PTPRG: variants seen among roughly 807,000 people sequenced by gnomAD.
The protein encoded by PTPRG is protein tyrosine phosphatase receptor type G.
Under a neutral mutation model 165.3 loss-of-function variants are expected in PTPRG, and 102 were observed. The observed-to-expected ratio is 0.62, with a 90% CI of 0.53 to 0.73. The LOEUF (loss-of-function observed/expected upper bound fraction) is 0.73. Among genes scored for constraint, PTPRG ranks in the 30% least tolerant of loss-of-function variants. The pLI is 0.00. For missense variants in PTPRG, 1,866 were observed against 1,861.4 expected, an observed-to-expected ratio of 1.00 and a Z score of -0.05; for synonymous variants, 675 against 669.5, an observed-to-expected ratio of 1.01 and a Z score of -0.13.
intron 4 of PTPRG, among the ~76,000 whole-genome samples, chr3:62,023,921 G>A (rs1298650015): frequency 6.6e-6 from 1 of 151,994 alleles, no homozygotes; most frequent in Non-Finnish European, 1.5e-5. Context: ...ATTATTGCTG[G>A]GGAATACTTG....
intron 1 of PTPRG, among the ~76,000 whole-genome samples, chr3:61,562,859 C>G (rs1258416992): frequency 6.6e-6 from 1 of 151,980 alleles, no homozygotes; most frequent in African/African-American, 2.4e-5. Context: ...TTTGGGAGGG[C>G]TAGGTTTCGG....
At chr3:61,612,304 A>G (rs769988899) in intron 1 of PTPRG, among the ~76,000 whole-genome samples, 53 of 152,318 alleles carry the variant, frequency 3.5e-4, no homozygotes, top group Non-Finnish European at 5.9e-4. Context: ...GCTCTCATTT[A>G]AAGAGGTTCT....
rs555938194 is a variant in PTPRG at position 61,647,578 on chromosome 3, C to T, written c.85+85206C>T. On this transcript the variant is annotated intron_variant, in intron 1 of 29. Coordinates refer to ENST00000474889, the MANE Select transcript of PTPRG (RefSeq NM_002841.4). ...GGCCGAGGCGGGCGGATCACGAAGT[C>T]AGGAGATCGAGACCATCCTGGCTAA... is the stretch of plus-strand genomic sequence containing the variant. 4.2e-3 allele frequency among the ~76,000 whole-genome samples: 642 copies of T among 152,140 alleles called. 3 individuals carry two copies. The highest frequency in any genetic ancestry group is 7.4e-3 in the Non-Finnish European group (505 of 67,980).
chr3:61,624,249 C>G (rs1235482023), intron 1 of PTPRG, among the ~76,000 whole-genome samples: 1 of 152,086 alleles, frequency 6.6e-6, no homozygotes, highest in Admixed American at 6.6e-5. Context: ...CTGGGCCTCT[C>G]TAGATATGCT....
chr3:62,033,361 A>ATTT (rs199968064), intron 4 of PTPRG, among the ~76,000 whole-genome samples: 1 of 124,340 alleles, frequency 8.0e-6, no homozygotes. Context: ...CTCCCTATAC[A>ATTT]TTTTTTTTTT....
In PTPRG at chr3:61,721,948, T is replaced by A. The variant is rs531169670; in HGVS notation, c.86-26930T>A. Among the ~76,000 whole-genome samples, 7 of 152,258 alleles carry A rather than the reference T, an allele frequency of 4.6e-5. 1 individual carries two copies. In the South Asian group the frequency reaches 1.5e-3, roughly 32 times the overall value. The stretch of plus-strand genomic sequence containing the variant: ...AGATTTAGCTTTAGAGTGGTTCTCC[T>A]TAGTATGGCAAGATGCAGCAACATG... On this transcript the variant is annotated intron_variant, in intron 1 of 29. Coordinates refer to ENST00000474889, the MANE Select transcript of PTPRG (RefSeq NM_002841.4).
At chr3:62,142,354 C>A (rs1405862721) in intron 6 of PTPRG, among the ~76,000 whole-genome samples, 1 of 151,996 alleles carries the variant, frequency 6.6e-6, no homozygotes, top group Admixed American at 6.6e-5. Flanking sequence ...GAGAGAGTGA[C>A]AAGGGGCTGG....
At position 62,173,686 on chromosome 3, in the gene PTPRG, A is replaced by G. The variant is rs140117324; in HGVS notation, c.1033+5523A>G. On this transcript the variant is annotated intron_variant, in intron 8 of 29. Coordinates refer to ENST00000474889, the MANE Select transcript of PTPRG (RefSeq NM_002841.4). The stretch of plus-strand genomic sequence containing the variant: ...TTACACTTCACTTTAACACCCGGTC[A>G]TCTTTCACATCAGAGGGGTAACCAG... 2.0e-3 allele frequency among the ~76,000 whole-genome samples: 298 copies of G among 152,302 alleles called. 1 individual carries two copies. Among genetic ancestry groups the G allele is most frequent in the Non-Finnish European group, 2.9e-3 (194 of 68,012 alleles).
chr3:61,822,345 G>C lies in PTPRG; in HGVS notation c.190+73363G>C, dbSNP rs147791996. On this transcript the variant is annotated intron_variant, in intron 2 of 29. Coordinates refer to ENST00000474889, the MANE Select transcript of PTPRG (RefSeq NM_002841.4). ...TAATTCTGGCCTGTTGGGAATGTTG[G>C]CTTCATGTTTTGAGAATTTCCCTCG... Among the ~76,000 whole-genome samples the C allele has an allele frequency of 4.6e-5, 7 of 152,324 alleles. No homozygotes were observed. In the East Asian group the frequency reaches 1.2e-3, roughly 25 times the overall value.
At position 62,177,628 on chromosome 3, in the gene PTPRG, C is replaced by T. The variant is rs28403395; in HGVS notation, c.1033+9465C>T. Among the ~76,000 whole-genome samples, 14 of 152,292 alleles carry T rather than the reference C, an allele frequency of 9.2e-5. No individual in the cohort carries two copies. The East Asian group carries it at 2.5e-3, about 27-fold the overall frequency. ...CAAGTCCTGTCCCCCTCTCCAGCCC[C>T]GTCTTGTACTTTCCTTCCCTTGGCA... On this transcript the variant is annotated intron_variant, in intron 8 of 29. Transcript: ENST00000474889.
chr3:62,274,824 G>A (rs1162703271), intron 23 of PTPRG, among the ~76,000 whole-genome samples: 2 of 152,100 alleles, frequency 1.3e-5, no homozygotes, highest in African/African-American at 4.8e-5. Context: ...AGGACACAGT[G>A]TATCATTTTA....
chr3:62,048,621 A>G (rs1334383244), intron 4 of PTPRG, among the ~76,000 whole-genome samples: 1 of 152,192 alleles, frequency 6.6e-6, no homozygotes, highest in East Asian at 1.9e-4. Context: ...TCTATCTCCC[A>G]GTTGTTTTCA....
At chr3:62,016,136 G>C (rs1168929531) in intron 4 of PTPRG, among the ~76,000 whole-genome samples, 1 of 152,070 alleles carries the variant, frequency 6.6e-6, no homozygotes, top group African/African-American at 2.4e-5. Context: ...AGTACTTTGA[G>C]CAGGATTTGG....
intron 2 of PTPRG, among the ~76,000 whole-genome samples, chr3:61,855,317 G>A (rs2037069221): frequency 1.3e-5 from 2 of 152,154 alleles, no homozygotes; most frequent in South Asian, 4.1e-4. Context: ...AGAACCATGG[G>A]TTTTGTAGTC....
chr3:61,687,232 C>T (rs1022242084), intron 1 of PTPRG, among the ~76,000 whole-genome samples: 1 of 152,198 alleles, frequency 6.6e-6, no homozygotes, highest in Non-Finnish European at 1.5e-5. Context: ...TATTATCTGG[C>T]TTATTTGGAA....
chr3:62,231,164 T>A, intron 13 of PTPRG, 61 bp from the exon 14 acceptor site: 1 of 1,297,070 alleles, frequency 7.7e-7, no homozygotes, highest in Non-Finnish European at 1.0e-6. Flanking sequence ...ATGCAACTCT[T>A]GGTGGCCAAT....
intron 2 of PTPRG, among the ~76,000 whole-genome samples, chr3:61,906,640 G>T (rs1419914109): frequency 6.6e-6 from 1 of 151,890 alleles, no homozygotes; most frequent in Non-Finnish European, 1.5e-5. Context: ...CCTAACCAAG[G>T]GTGGTGGCAC....
At chr3:61,702,146 T>A (rs1342545117) in intron 1 of PTPRG, among the ~76,000 whole-genome samples, 1 of 151,806 alleles carries the variant, frequency 6.6e-6, no homozygotes, top group African/African-American at 2.4e-5. Flanking sequence ...ACCTGGATAA[T>A]GTTTGTATTT....
intron 1 of PTPRG, among the ~76,000 whole-genome samples, chr3:61,632,968 T>C (rs1559532660): frequency 6.6e-6 from 1 of 152,220 alleles, no homozygotes; most frequent in Non-Finnish European, 1.5e-5. Context: ...TATGAAACTT[T>C]TTTCCACCCC....
Sources: allele counts gnomAD v4.1 joint callset (sites outside exome capture counted in the v4.1 genomes callset), GRCh38; gene constraint gnomAD v4.1.1; transcripts MANE v1.5; gene names NCBI Gene and HGNC (gene_info 2026-07-23, HGNC 2026-07-21).